CHN1: variants seen among roughly 807,000 people sequenced by gnomAD.
CHN1 encodes the protein N-chimaerin.
CHN1 carries 37 observed loss-of-function variants against 59.5 expected under a neutral mutation model. The ratio of observed to expected loss-of-function variants is 0.62; its 90% CI spans 0.48 to 0.82. CHN1 has a LOEUF of 0.82. CHN1 is among the 40% of genes least tolerant of loss of function. The pLI is 0.00. For synonymous variants in CHN1, 206 were observed against 200.4 expected, an observed-to-expected ratio of 1.03 and a Z score of -0.24; for missense variants, 469 against 571.0, an observed-to-expected ratio of 0.82 and a Z score of 1.82.
rs1196355286 is a variant in CHN1 at position 174,799,626 on chromosome 2, T to C, written c.*490A>G. The C allele has an allele frequency of 5.7e-6, 3 of 530,284 alleles. No homozygotes were observed. The highest frequency in any genetic ancestry group is 1.9e-5 in the African/African-American group (1 of 53,650). The allele number at this position is 530,284 out of a possible 1,614,324, so 32.8% of individuals were successfully genotyped here. ...GAGAAACCAGAAATCATTTGTAAAATGTAGGCATGTGATATGGTTTATGGT... is the reference window on the plus strand; with the variant it reads ...GAGAAACCAGAAATCATTTGTAAAACGTAGGCATGTGATATGGTTTATGGT... On this transcript the variant is annotated 3_prime_UTR_variant, in exon 13 of 13. Coordinates refer to ENST00000409900, the MANE Select transcript of CHN1 (RefSeq NM_001822.7).
At chr2:174,924,479 T>A (rs994611204) in intron 3 of CHN1, among the ~76,000 whole-genome samples, 8 of 152,210 alleles carry the variant, frequency 5.3e-5, no homozygotes, top group Non-Finnish European at 8.8e-5. Context: ...GATCCCCCTC[T>A]CCATGTGCAT....
chr2:174,873,246 G>T (rs1000528534), intron 6 of CHN1, among the ~76,000 whole-genome samples: 5 of 152,272 alleles, frequency 3.3e-5, no homozygotes, highest in Admixed American at 3.3e-4. Flanking sequence ...ACTTAGGCAT[G>T]TAAACTTGGG....
intron 3 of CHN1, among the ~76,000 whole-genome samples, chr2:174,942,616 A>C (rs183847506): frequency 1.3e-5 from 2 of 152,336 alleles, no homozygotes; most frequent in African/African-American, 2.4e-5. Flanking sequence ...GAGAATTGTG[A>C]ATGTCTCAAC....
At chr2:174,945,313 T>C (rs1032337518) in intron 2 of CHN1, 1 of 234,644 alleles carries the variant, frequency 4.3e-6, no homozygotes, top group African/African-American at 2.3e-5. Flanking sequence ...AAGCATGTTA[T>C]TAAGTGTCAA....
At chr2:174,910,082 T>A (rs2105365349) in intron 5 of CHN1, among the ~76,000 whole-genome samples, 1 of 152,350 alleles carries the variant, frequency 6.6e-6, no homozygotes, top group African/African-American at 2.4e-5. Flanking sequence ...TCTTTTTAAA[T>A]CTTAATTCCT....
chr2:174,928,041 A>G (rs1022769962), intron 3 of CHN1, among the ~76,000 whole-genome samples: 2 of 152,216 alleles, frequency 1.3e-5, no homozygotes, highest in African/African-American at 4.8e-5. Flanking sequence ...GGAGAAGTAG[A>G]AGGGGAAAAG....
intron 5 of CHN1, among the ~76,000 whole-genome samples, chr2:174,903,434 C>T (rs1481079873): frequency 6.6e-6 from 1 of 152,070 alleles, no homozygotes; most frequent in Non-Finnish European, 1.5e-5. Context: ...ACACAATATG[C>T]ACATATGCCA....
chr2:174,938,274 A>C (rs375184776), intron 3 of CHN1, among the ~76,000 whole-genome samples: 32 of 152,330 alleles, frequency 2.1e-4, no homozygotes, highest in African/African-American at 7.7e-4. Flanking sequence ...CATCAAGCCT[A>C]ACTCTGAAAC....
At chr2:174,806,971 A>G (rs1195123712) in intron 11 of CHN1, among the ~76,000 whole-genome samples, 1 of 152,230 alleles carries the variant, frequency 6.6e-6, no homozygotes, top group Non-Finnish European at 1.5e-5. Context: ...CAAATAACTG[A>G]AATTATAAGG....
At position 174,988,288 on chromosome 2, in the gene CHN1, C is replaced by T. The variant is rs1170497358; in HGVS notation, c.19+16606G>A. 1.0e-4 allele frequency among the ~76,000 whole-genome samples: 15 copies of T among 148,104 alleles called. 1 individual carries two copies. The highest frequency in any genetic ancestry group is 4.8e-4 in the Admixed American group (7 of 14,550). On this transcript the variant is annotated intron_variant, in intron 1 of 12. Transcript: ENST00000409900. ...AGGAGAATGGCGTGAACCCGGGAGG[C>T]GGAGCTTGCAGTGAGTCGAGATCGC...
chr2:174,955,056 C>T lies in CHN1; in HGVS notation c.20-2854G>A, dbSNP rs1153726. On this transcript the variant is annotated intron_variant, in intron 1 of 12. Transcript: ENST00000409900. ...ACCAGCCCAAATGCCCATCAATCAA[C>T]AAGTGGATAAAGAAAATGCGGTATA... Among the ~76,000 whole-genome samples the T allele has an allele frequency of 2.9e-3, 445 of 151,270 alleles. 5 individuals carry two copies. The highest frequency in any genetic ancestry group is 0.01 in the African/African-American group (414 of 41,290).
chr2:174,952,518 G>A (rs1443621948), intron 1 of CHN1, among the ~76,000 whole-genome samples: 3 of 151,844 alleles, frequency 2.0e-5, no homozygotes, highest in Admixed American at 6.6e-5. Context: ...TTGTTTCTTT[G>A]GGCTTAATGA....
rs1424159007 is a variant in CHN1, at chr2:174,814,044, CATT to C, written c.713-1565_713-1563del. ...ATTAGCCAAAACTTACAAACAACAT[CATT>C]GTTTCATTAAATGTGTAGACACTGC... On this transcript the variant is annotated intron_variant, in intron 8 of 12. Coordinates refer to ENST00000409900, the MANE Select transcript of CHN1 (RefSeq NM_001822.7). 3.9e-5 allele frequency among the ~76,000 whole-genome samples: 6 copies of C among 152,222 alleles called. No individual in the cohort carries two copies. The East Asian group carries it at 5.8e-4, about 15-fold the overall frequency.
At chr2:174,813,731 G>A (rs1473103286) in intron 8 of CHN1, among the ~76,000 whole-genome samples, 3 of 152,258 alleles carry the variant, frequency 2.0e-5, no homozygotes, top group Admixed American at 2.0e-4. Flanking sequence ...TTGACCTCTT[G>A]TAAATCTAGT....
intron 5 of CHN1, among the ~76,000 whole-genome samples, chr2:174,914,708 TG>T (rs1688795683): frequency 6.6e-6 from 1 of 151,884 alleles, no homozygotes. Flanking sequence ...CTGGGCGTAG[TG>T]GCACACGTCT....
chr2:174,928,186 G>A lies in CHN1; in HGVS notation c.115-9621C>T, dbSNP rs1689231037. 2.0e-5 allele frequency among the ~76,000 whole-genome samples: 3 copies of A among 152,132 alleles called. No homozygotes were observed. The South Asian group carries it at 6.2e-4, about 32-fold the overall frequency. On this transcript the variant is annotated intron_variant, in intron 3 of 12. Coordinates refer to ENST00000409900, the MANE Select transcript of CHN1 (RefSeq NM_001822.7). The stretch of plus-strand genomic sequence containing the variant: ...TACTATAAAGTAAGGAAGGAGGAAG[G>A]GCAGGGAGGAAGAGAAACAGAAGCC...
chr2:174,847,660 A>C, intron 6 of CHN1: 1 of 1,321,684 alleles, frequency 7.6e-7, no homozygotes, highest in Non-Finnish European at 1.0e-6. Context: ...CACCGTAAGA[A>C]AGGAGATAAC....
At chr2:174,804,493 A>C (rs1684824578) in intron 11 of CHN1, among the ~76,000 whole-genome samples, 1 of 152,252 alleles carries the variant, frequency 6.6e-6, no homozygotes, top group South Asian at 2.1e-4. Flanking sequence ...AGTGGAAAAC[A>C]GACTGTGGAA....
intron 6 of CHN1, among the ~76,000 whole-genome samples, chr2:174,877,289 C>G (rs1687594918): frequency 6.6e-6 from 1 of 152,040 alleles, no homozygotes; most frequent in African/African-American, 2.4e-5. Context: ...AAAAGTGAAT[C>G]TTACTCATTC....
Sources: gnomAD v4.1 joint callset for allele counts (sites outside exome capture counted in the v4.1 genomes callset) on GRCh38, gnomAD v4.1.1 for gene constraint, MANE v1.5 for transcripts, NCBI Gene and HGNC (gene_info 2026-07-23, HGNC 2026-07-21) for gene names.